The following MTA3 variants were observed in gnomAD, a reference collection of about 807,000 sequenced individuals.
The protein encoded by MTA3 is metastasis-associated protein MTA3.
Under a neutral mutation model 83.5 loss-of-function variants are expected in MTA3, and 34 were observed. The ratio of observed to expected loss-of-function variants is 0.41; its 90% CI spans 0.31 to 0.54. MTA3 has a LOEUF of 0.54. Ranked by LOEUF, MTA3 falls within the 20% of genes least tolerant of loss-of-function variation. The pLI, the probability that MTA3 is intolerant of heterozygous loss-of-function variation, is 0.33. For missense variants in MTA3, 761 were observed against 726.4 expected, an observed-to-expected ratio of 1.05 and a Z score of -0.55; for synonymous variants, 303 against 252.7, an observed-to-expected ratio of 1.20 and a Z score of -1.89.
intron 3 of MTA3, among the ~76,000 whole-genome samples, chr2:42,594,852 A>T (rs1434810737): frequency 7.0e-6 from 1 of 142,266 alleles, no homozygotes; most frequent in African/African-American, 2.6e-5. Context: ...TCAGCCTCCC[A>T]AGTAGCTGGG....
intron 9 of MTA3, among the ~76,000 whole-genome samples, chr2:42,695,183 T>C (rs1166896671): frequency 6.6e-6 from 1 of 152,078 alleles, no homozygotes; most frequent in East Asian, 1.9e-4. Context: ...TTTAGTAAAA[T>C]GTATAAACGG....
chr2:42,670,997 C>T (rs529546864), intron 8 of MTA3, among the ~76,000 whole-genome samples: 66 of 151,836 alleles, frequency 4.3e-4, no homozygotes, highest in African/African-American at 1.4e-3. Context: ...AAAAAAAATT[C>T]TGGCCCAAGA....
chr2:42,520,960 C>T (rs941166812), intron 2 of MTA3, among the ~76,000 whole-genome samples: 7 of 152,146 alleles, frequency 4.6e-5, no homozygotes, highest in South Asian at 4.1e-4. Context: ...TCCTCTCTCC[C>T]GGCATCTCTT....
At chr2:42,512,336 G>A (rs1420200720) in intron 2 of MTA3, among the ~76,000 whole-genome samples, 5 of 152,032 alleles carry the variant, frequency 3.3e-5, no homozygotes, top group Non-Finnish European at 5.9e-5. Flanking sequence ...CTAGTTTTTC[G>A]GGATTCCACT....
chr2:42,510,670 G>A (rs4368378), intron 2 of MTA3, among the ~76,000 whole-genome samples: 95,498 of 152,032 alleles, frequency 0.63, 30,766 homozygotes, highest in African/African-American at 0.78. Flanking sequence ...AAAATGTAGA[G>A]GGCTGTTGCC....
intron 4 of MTA3, among the ~76,000 whole-genome samples, chr2:42,626,316 G>T (rs1196246221): frequency 4.7e-5 from 7 of 149,868 alleles, no homozygotes; most frequent in African/African-American, 1.7e-4. Flanking sequence ...AATTTTTTTT[G>T]ATTCGGAGTC....
chr2:42,589,113 T>G (rs762931204), intron 3 of MTA3, among the ~76,000 whole-genome samples: 1 of 152,174 alleles, frequency 6.6e-6, no homozygotes, highest in Non-Finnish European at 1.5e-5. Flanking sequence ...TTTGATTGAA[T>G]GACTAGGTAC....
intron 12 of MTA3, among the ~76,000 whole-genome samples, chr2:42,705,299 T>G (rs895828937): frequency 6.6e-6 from 1 of 152,240 alleles, no homozygotes; most frequent in Non-Finnish European, 1.5e-5. Context: ...TTTACATGGA[T>G]AGCATCATAA....
At chr2:42,592,387 C>G (rs1013757966) in intron 3 of MTA3, among the ~76,000 whole-genome samples, 2 of 152,030 alleles carry the variant, frequency 1.3e-5, no homozygotes, top group Non-Finnish European at 2.9e-5. Context: ...AGTTTAAGAC[C>G]AGCTTGAGCA....
At chr2:42,691,446 T>C (rs571829604) in intron 9 of MTA3, among the ~76,000 whole-genome samples, 1 of 152,232 alleles carries the variant, frequency 6.6e-6, no homozygotes, top group East Asian at 1.9e-4. Context: ...TTTTTAACTT[T>C]TTGTTGATTC....
At chr2:42,624,295 T>C (rs1685867261) in intron 4 of MTA3, among the ~76,000 whole-genome samples, 1 of 152,116 alleles carries the variant, frequency 6.6e-6, no homozygotes, top group Non-Finnish European at 1.5e-5. Flanking sequence ...TGTATCTTAA[T>C]GTATATTAAC....
rs1433718567 is a variant in MTA3 at position 42,577,129 on chromosome 2, TATATAA to T, written c.97-1976_97-1971del. On this transcript the variant is annotated intron_variant, in intron 2 of 16. Coordinates refer to ENST00000405094, the MANE Select transcript of MTA3 (RefSeq NM_001330442.2). Reference sequence around the variant, plus strand: ...AAATATATATATATATATATATATATATATAAAAATGAACTCTTAATTGCTGTAATG... The same window carrying T: ...AAATATATATATATATATATATATATAAATGAACTCTTAATTGCTGTAATG... 6.8e-3 allele frequency among the ~76,000 whole-genome samples: 773 copies of T among 113,488 alleles called. 136 individuals carry two copies. The highest frequency in any genetic ancestry group is 0.016 in the South Asian group (50 of 3,118). 74.5% of individuals were successfully genotyped at this position (113,488 alleles called of 152,430 possible). A position where few individuals can be genotyped will look rare whatever the true frequency, so the allele number is the denominator to read the frequency against.
chr2:42,567,254 A>T (rs758645610), upstream of MTA3, among the ~76,000 whole-genome samples: 3 of 152,206 alleles, frequency 2.0e-5, no homozygotes, highest in Admixed American at 6.6e-5. Context: ...TGAAGGGGGA[A>T]CTCACGTCCC....
At chr2:42,495,404 A>G (rs1361600426) in intron 2 of MTA3, 3 of 152,320 alleles carry the variant, frequency 2.0e-5, no homozygotes, top group Non-Finnish European at 4.4e-5. Context: ...TTGCTACTTT[A>G]GTATCTACTA....
intron 16 of MTA3, among the ~76,000 whole-genome samples, chr2:42,753,105 A>T (rs796970356): frequency 2.0e-5 from 3 of 151,710 alleles, no homozygotes; most frequent in African/African-American, 7.3e-5. Flanking sequence ...TTTTATTTTT[A>T]TTTTGGTAGA....
chr2:42,622,000 G>A (rs1242117632), intron 4 of MTA3, among the ~76,000 whole-genome samples: 8 of 152,080 alleles, frequency 5.3e-5, no homozygotes, highest in African/African-American at 1.7e-4. Context: ...TCCCAGACGG[G>A]GTGGCGGCCG....
intron 2 of MTA3, among the ~76,000 whole-genome samples, chr2:42,571,198 C>A (rs993900985): frequency 2.5e-4 from 38 of 151,396 alleles, no homozygotes; most frequent in African/African-American, 8.7e-4. Flanking sequence ...AGTTCAAGAC[C>A]AGCCTGGCCA....
At chr2:42,740,480 G>A (rs1668947939) in intron 16 of MTA3, among the ~76,000 whole-genome samples, 1 of 152,230 alleles carries the variant, frequency 6.6e-6, no homozygotes, top group Non-Finnish European at 1.5e-5. Flanking sequence ...ACTCCAGCCT[G>A]GGTGACAAAG....
At chr2:42,725,664 C>T (rs777665638) in intron 16 of MTA3, among the ~76,000 whole-genome samples, 2 of 152,162 alleles carry the variant, frequency 1.3e-5, no homozygotes, top group Admixed American at 6.6e-5. Flanking sequence ...ACTGCCCTGC[C>T]GGTGCAGGCA....
Sources: allele counts gnomAD v4.1 joint callset (sites outside exome capture counted in the v4.1 genomes callset), GRCh38; gene constraint gnomAD v4.1.1; transcripts MANE v1.5; gene names NCBI Gene and HGNC (gene_info 2026-07-23, HGNC 2026-07-21).